The following LRRTM4 variants were observed in gnomAD, a reference collection of about 807,000 sequenced individuals.
LRRTM4 encodes the protein leucine rich repeat transmembrane neuronal 4, also known as leucine-rich repeat transmembrane neuronal protein 4.
LRRTM4 carries 25 observed loss-of-function variants against 47.6 expected under a neutral mutation model. The ratio of observed to expected loss-of-function variants is 0.53; its 90% CI spans 0.38 to 0.73. The LOEUF (loss-of-function observed/expected upper bound fraction) is 0.73. Ranked by LOEUF, LRRTM4 falls within the 30% of genes least tolerant of loss-of-function variation. The pLI is 0.00. For missense variants in LRRTM4, 638 were observed against 713.4 expected (o/e 0.89, Z 1.20); for synonymous variants, 311 against 269.5 (o/e 1.15, Z -1.51).
At chr2:77,005,673 C>T (rs2104042662) in intron 3 of LRRTM4, among the ~76,000 whole-genome samples, 1 of 152,222 alleles carries the variant, frequency 6.6e-6, no homozygotes, top group African/African-American at 2.4e-5. Flanking sequence ...AAGGGAGTTC[C>T]CCTGCACATG....
intron 3 of LRRTM4, among the ~76,000 whole-genome samples, chr2:77,250,768 T>C (rs1421651937): frequency 6.6e-6 from 1 of 152,148 alleles, no homozygotes; most frequent in Non-Finnish European, 1.5e-5. Flanking sequence ...CAGGAAAATG[T>C]TCACAGATTG....
At chr2:77,022,033 AGACATACCC>A (rs1171387179) in intron 3 of LRRTM4, among the ~76,000 whole-genome samples, 1 of 152,156 alleles carries the variant, frequency 6.6e-6, no homozygotes, top group Non-Finnish European at 1.5e-5. Context: ...CTGCTGATAA[AGACATACCC>A]GAGACTGGGA....
intron 3 of LRRTM4, among the ~76,000 whole-genome samples, chr2:76,943,068 T>C (rs1235783800): frequency 6.6e-6 from 1 of 152,142 alleles, no homozygotes; most frequent in Non-Finnish European, 1.5e-5. Context: ...AAAATAGTAA[T>C]CTGTACATCA....
At chr2:77,520,002 G>A (rs961578658) in intron 2 of LRRTM4, 138 bp from the exon 3 acceptor site, 2 of 1,373,034 alleles carry the variant, frequency 1.5e-6, no homozygotes, top group Non-Finnish European at 1.9e-6. Flanking sequence ...AACATTTCGA[G>A]CATTATTTTC....
chr2:76,970,472 T>C (rs992864220), intron 3 of LRRTM4, among the ~76,000 whole-genome samples: 8 of 152,006 alleles, frequency 5.3e-5, no homozygotes, highest in African/African-American at 1.9e-4. Flanking sequence ...TCTGTAAGCA[T>C]GCTATTGAAT....
At chr2:77,373,108 T>TAC (rs1418448362) in intron 3 of LRRTM4, among the ~76,000 whole-genome samples, 61 of 146,344 alleles carry the variant, frequency 4.2e-4, no homozygotes, top group African/African-American at 1.4e-3. Flanking sequence ...TATATATATA[T>TAC]ACGCACACAC....
intron 3 of LRRTM4, among the ~76,000 whole-genome samples, chr2:76,864,530 G>A (rs1471645058): frequency 6.6e-6 from 1 of 151,956 alleles, no homozygotes; most frequent in African/African-American, 2.4e-5. Flanking sequence ...GGTGGCGCAT[G>A]CCTGTAATCC....
intron 3 of LRRTM4, among the ~76,000 whole-genome samples, chr2:77,322,104 T>C (rs1677812889): frequency 2.6e-5 from 4 of 152,282 alleles, no homozygotes; most frequent in Admixed American, 2.6e-4. Flanking sequence ...TAAAATCAAG[T>C]CACACAGGTA....
At chr2:77,289,380 C>T (rs190616124) in intron 3 of LRRTM4, among the ~76,000 whole-genome samples, 13 of 150,874 alleles carry the variant, frequency 8.6e-5, no homozygotes, top group African/African-American at 3.0e-4. Flanking sequence ...TGATTGTACC[C>T]TTCATTAACT....
chr2:77,172,310 A>C (rs1009844652), intron 3 of LRRTM4, among the ~76,000 whole-genome samples: 4 of 152,172 alleles, frequency 2.6e-5, no homozygotes, highest in African/African-American at 9.7e-5. Context: ...TTAAAGGGCT[A>C]AACTGGCCAG....
At chr2:76,923,022 T>C (rs1306276302) in intron 3 of LRRTM4, among the ~76,000 whole-genome samples, 1 of 152,164 alleles carries the variant, frequency 6.6e-6, no homozygotes, top group East Asian at 1.9e-4. Context: ...AATAGAGTTA[T>C]GTACTAAGCA....
chr2:77,123,139 A>T (rs1671561787), intron 3 of LRRTM4, among the ~76,000 whole-genome samples: 1 of 151,852 alleles, frequency 6.6e-6, no homozygotes, highest in African/African-American at 2.4e-5. Flanking sequence ...GAAATAGATC[A>T]GTTGACGCAA....
chr2:76,786,630 G>A (rs1674688977), intron 3 of LRRTM4, among the ~76,000 whole-genome samples: 1 of 151,994 alleles, frequency 6.6e-6, no homozygotes, highest in South Asian at 2.1e-4. Flanking sequence ...AGGTAATTTG[G>A]TTTTAAAAAT....
chr2:76,911,859 T>G (rs867944434), intron 3 of LRRTM4, among the ~76,000 whole-genome samples: 14 of 149,544 alleles, frequency 9.4e-5, no homozygotes, highest in Middle Eastern at 7.1e-3. Context: ...TGTGTCTGTG[T>G]GTGTGTGTGT....
At chr2:77,297,359 T>C (rs894347062) in intron 3 of LRRTM4, among the ~76,000 whole-genome samples, 19 of 152,180 alleles carry the variant, frequency 1.2e-4, no homozygotes, top group Non-Finnish European at 2.4e-4. Context: ...CTGATTATTG[T>C]TTTGATTTAC....
At chr2:76,793,383 T>A (rs940865960) in intron 3 of LRRTM4, among the ~76,000 whole-genome samples, 1 of 152,194 alleles carries the variant, frequency 6.6e-6, no homozygotes, top group African/African-American at 2.4e-5. Flanking sequence ...TCCTAAAATA[T>A]TCACTCTTTG....
intron 3 of LRRTM4, chr2:77,009,160 A>G (rs774562396): frequency 1.3e-5 from 2 of 152,148 alleles, no homozygotes; most frequent in Non-Finnish European, 2.9e-5. Context: ...TTTTCAACAC[A>G]AATGGAAAGC....
intron 3 of LRRTM4, among the ~76,000 whole-genome samples, chr2:77,090,866 C>G (rs62172160): frequency 6.6e-6 from 1 of 151,710 alleles, no homozygotes; most frequent in East Asian, 1.9e-4. Context: ...ATTGCCTCGG[C>G]AGCCCCCTAG....
Position 77,306,745 on chromosome 2 carries a change from A to ATATAT in LRRTM4, c.1551+211572_1551+211573insATATA, listed in dbSNP as rs1275437547. ...TATGCTGTTTTTCCTCCTCTCAATC[A>ATATAT]GTTTATAAAGTAATGAAATAGAGGG... On this transcript the variant is annotated intron_variant, in intron 3 of 3. Coordinates refer to ENST00000409884, the MANE Select transcript of LRRTM4 (RefSeq NM_001134745.3). Among the ~76,000 whole-genome samples, 4 of 151,824 alleles carry ATATAT rather than the reference A, an allele frequency of 2.6e-5. No individual in the cohort carries two copies. In the East Asian group the frequency reaches 7.7e-4, roughly 29 times the overall value.
Sources: gnomAD v4.1 joint callset for allele counts (sites outside exome capture counted in the v4.1 genomes callset) on GRCh38, gnomAD v4.1.1 for gene constraint, MANE v1.5 for transcripts, NCBI Gene and HGNC (gene_info 2026-07-23, HGNC 2026-07-21) for gene names.